WWC2: variants seen among roughly 807,000 people sequenced by gnomAD.
The protein encoded by WWC2 is protein WWC2.
WWC2 carries 101 observed loss-of-function variants against 138.5 expected under a neutral mutation model. The ratio of observed to expected loss-of-function variants is 0.73; its 90% confidence interval spans 0.62 to 0.86. The LOEUF (loss-of-function observed/expected upper bound fraction) is 0.86, where lower values mean the gene tolerates loss of function less well. Among genes scored for constraint, WWC2 ranks in the 40% least tolerant of loss-of-function variants. The pLI is 0.00. For synonymous variants in WWC2, 558 were observed against 538.4 expected (o/e 1.04, Z -0.50); for missense variants, 1,420 against 1,419.4 (o/e 1.00, Z -0.01).
chr4:183,213,000 A>G (rs910265983), intron 4 of WWC2, among the ~76,000 whole-genome samples: 4 of 152,228 alleles, frequency 2.6e-5, no homozygotes, highest in Non-Finnish European at 5.9e-5. Flanking sequence ...CAAAAAGAAG[A>G]CAAGATATTC....
chr4:183,238,686 C>T (rs1560859862), intron 4 of WWC2, among the ~76,000 whole-genome samples: 1 of 152,198 alleles, frequency 6.6e-6, no homozygotes, highest in East Asian at 1.9e-4. Context: ...GCCCCACTAA[C>T]CCTCTCAATT....
At chr4:183,221,911 A>G (rs1308431664) in intron 4 of WWC2, among the ~76,000 whole-genome samples, 1 of 152,224 alleles carries the variant, frequency 6.6e-6, no homozygotes, top group African/African-American at 2.4e-5. Context: ...TTTACCCAAT[A>G]TAAATGAAAG....
chr4:183,184,821 GT>G (rs1334878908), intron 1 of WWC2, among the ~76,000 whole-genome samples: 3 of 152,206 alleles, frequency 2.0e-5, no homozygotes, highest in South Asian at 2.1e-4. Context: ...TTTCAAATTA[GT>G]TAAGTATCCT....
chr4:183,099,509 G>C lies in WWC2; in HGVS notation c.18G>C (p.Gly6=). ...CGCCGACCATGCCTAGGAGGGCCGG[G>C]AGCGGTCAGCTGCCGCTGCCCCGGG... MPRRA[G]SGQLPLPRGW... is the part of the protein sequence containing the mutation. Residue 6 remains glycine, a synonymous_variant, in exon 1 of 23, where the codon GGG becomes GGC. Coordinates refer to ENST00000403733, the MANE Select transcript of WWC2 (RefSeq NM_024949.6). 7.2e-7 allele frequency: 1 copy of C among 1,388,560 alleles called. No individual in the cohort carries two copies. The highest frequency in any genetic ancestry group is 9.5e-7 in the Non-Finnish European group (1 of 1,054,564). The allele number at this position is 1,388,560 out of a possible 1,614,324, so 86.0% of individuals were successfully genotyped here.
rs1384345614 is a variant in WWC2 at position 183,317,160 on chromosome 4, G to A, written c.*1431G>A. On this transcript the variant is annotated 3_prime_UTR_variant, in exon 23 of 23. Coordinates refer to ENST00000403733, the MANE Select transcript of WWC2 (RefSeq NM_024949.6). ...AATCCAAAATTGTCTTAAAGGAATG[G>A]ACCCCTTGAAGAAAAAAAAAAAAAG... 6.8e-6 allele frequency: 1 copy of A among 147,002 alleles called. No individual in the cohort carries two copies. Among genetic ancestry groups the A allele is most frequent in the African/African-American group, 2.5e-5 (1 of 39,624 alleles). 9.1% of individuals were successfully genotyped at this position (147,002 alleles called of 1,614,324 possible). A position where few individuals can be genotyped will look rare whatever the true frequency, so the allele number is the denominator to read the frequency against.
rs778926970 is a variant in WWC2 at position 183,261,125 on chromosome 4, C to A, written c.1502C>A (p.Pro501His). The A allele has an allele frequency of 6.2e-7, 1 of 1,613,818 alleles. No homozygotes were observed. The highest frequency in any genetic ancestry group is 8.5e-7 in the Non-Finnish European group (1 of 1,179,866). ...QEKSGYIPSG[P>H]ITTIHENEVV... ...AAAAGCGGTTACATTCCTTCTGGACCCATCACCACCATCCATGAAAACGAG... is the reference window on the plus strand; with the variant it reads ...AAAAGCGGTTACATTCCTTCTGGACACATCACCACCATCCATGAAAACGAG... The change falls in exon 11 of 23, where the codon CCC becomes CAC. Residue 501 changes from proline (P) to histidine (H), a missense_variant. Transcript: ENST00000403733.
intron 22 of WWC2, among the ~76,000 whole-genome samples, chr4:183,313,674 C>T (rs563881209): frequency 6.6e-6 from 1 of 151,704 alleles, no homozygotes; most frequent in African/African-American, 2.4e-5. Flanking sequence ...GCCAGACATC[C>T]CAGAAAATGT....
Position 183,312,778 on chromosome 4 carries a change from T to G in WWC2, c.3512+310T>G, listed in dbSNP as rs79314603. ...CAGAAAACTCAGACATCTTTGGGAT[T>G]TTGTTCGCTCATTTTACAGACATTC... On this transcript the variant is annotated intron_variant, in intron 22 of 22. Coordinates refer to ENST00000403733, the MANE Select transcript of WWC2 (RefSeq NM_024949.6). Among the ~76,000 whole-genome samples, 67 of 152,288 alleles carry G rather than the reference T, an allele frequency of 4.4e-4. 1 individual carries two copies. In the East Asian group the frequency reaches 0.01, roughly 23 times the overall value.
At chr4:183,270,254 G>A (rs1333656361) in intron 15 of WWC2, among the ~76,000 whole-genome samples, 4 of 152,216 alleles carry the variant, frequency 2.6e-5, no homozygotes, top group Non-Finnish European at 5.9e-5. Context: ...TAGCCTTAAA[G>A]AAGAGTGTAA....
intron 1 of WWC2, among the ~76,000 whole-genome samples, chr4:183,176,398 C>T (rs892517410): frequency 3.7e-4 from 57 of 152,076 alleles, no homozygotes; most frequent in African/African-American, 1.3e-3. Flanking sequence ...GTACTCAGGG[C>T]CAGAATAAGG....
chr4:183,269,342 T>C (rs978566845), intron 15 of WWC2, 179 bp downstream of exon 15: 11 of 740,262 alleles, frequency 1.5e-5, no homozygotes, highest in Non-Finnish European at 2.7e-5. Context: ...TATTCTCTTA[T>C]TCCAGACCTT....
chr4:183,209,200 C>T (rs1429633165), intron 4 of WWC2, among the ~76,000 whole-genome samples, 175 bp downstream of exon 4: 2 of 152,034 alleles, frequency 1.3e-5, no homozygotes, highest in Non-Finnish European at 2.9e-5. Flanking sequence ...GTGGGATAGT[C>T]TTTATTATTG....
At chr4:183,107,007 T>C (rs1022741077) in intron 1 of WWC2, among the ~76,000 whole-genome samples, 4 of 152,222 alleles carry the variant, frequency 2.6e-5, no homozygotes, top group Non-Finnish European at 5.9e-5. Flanking sequence ...ACTGCTAGAC[T>C]GTTTACCACC....
chr4:183,252,826 GGC>G (rs1737020017), intron 8 of WWC2, among the ~76,000 whole-genome samples: 1 of 152,136 alleles, frequency 6.6e-6, no homozygotes, highest in East Asian at 1.9e-4. Flanking sequence ...AACGGGAGAA[GGC>G]CAAGCCCTGC....
At chr4:183,117,110 A>G (rs949192007) in intron 1 of WWC2, among the ~76,000 whole-genome samples, 1 of 151,352 alleles carries the variant, frequency 6.6e-6, no homozygotes, top group Non-Finnish European at 1.5e-5. Flanking sequence ...CACCACCTAC[A>G]CTTCTGCATA....
At chr4:183,314,443 G>A (rs1249443008) in intron 22 of WWC2, among the ~76,000 whole-genome samples, 6 of 152,208 alleles carry the variant, frequency 3.9e-5, no homozygotes, top group Non-Finnish European at 8.8e-5. Flanking sequence ...AGAATGATGA[G>A]ATGGACCAGG....
chr4:183,210,885 T>C (rs1735577057), intron 4 of WWC2, among the ~76,000 whole-genome samples: 1 of 152,220 alleles, frequency 6.6e-6, no homozygotes, highest in Admixed American at 6.5e-5. Flanking sequence ...ACATACCGTC[T>C]TATATGCAGG....
chr4:183,104,683 A>G (rs1473586058), intron 1 of WWC2, among the ~76,000 whole-genome samples: 1 of 152,048 alleles, frequency 6.6e-6, no homozygotes, highest in Non-Finnish European at 1.5e-5. Flanking sequence ...TAAAAAAATC[A>G]CTCTAGGAAG....
intron 21 of WWC2, among the ~76,000 whole-genome samples, chr4:183,291,860 T>C (rs1738462193): frequency 6.6e-6 from 1 of 151,686 alleles, no homozygotes; most frequent in Non-Finnish European, 1.5e-5. Context: ...TCTGGCAAAA[T>C]TAATGAAGAG....
Sources: gnomAD v4.1 joint callset for allele counts (sites outside exome capture counted in the v4.1 genomes callset) on GRCh38, gnomAD v4.1.1 for gene constraint, MANE v1.5 for transcripts, NCBI Gene and HGNC (gene_info 2026-07-23, HGNC 2026-07-21) for gene names.